The following CPE variants were observed in gnomAD, a reference collection of about 807,000 sequenced individuals.
The protein encoded by CPE is carboxypeptidase E.
In CPE, 17 loss-of-function variants were observed where a neutral mutation model predicts 53.5. The observed-to-expected ratio is 0.32, with a 90% CI of 0.22 to 0.48. The LOEUF (loss-of-function observed/expected upper bound fraction) is 0.48, where lower values mean the gene tolerates loss of function less well. CPE is among the 20% of genes least tolerant of loss of function. The pLI is 0.99. For missense variants in CPE, 524 were observed against 614.7 expected, an observed-to-expected ratio of 0.85 and a Z score of 1.56; for synonymous variants, 226 against 228.8, an observed-to-expected ratio of 0.99 and a Z score of 0.11.
chr4:165,431,909 G>GT (rs972743290), intron 1 of CPE, among the ~76,000 whole-genome samples: 1 of 152,050 alleles, frequency 6.6e-6, no homozygotes, highest in African/African-American at 2.4e-5. Context: ...GAGAACATAG[G>GT]TAACAAGACA....
rs557578784 is a variant in CPE, at chr4:165,382,384, G to C, written c.307+2856G>C. ...TGTCTTTACTATTTTCACCTTTTAAGTACCTTATTTTTTGGTTTGAAATAA... is the reference window on the plus strand; with the variant it reads ...TGTCTTTACTATTTTCACCTTTTAACTACCTTATTTTTTGGTTTGAAATAA... On this transcript the variant is annotated intron_variant, in intron 1 of 8. Transcript: ENST00000402744. Among the ~76,000 whole-genome samples the C allele has an allele frequency of 5.2e-4, 79 of 152,216 alleles. 1 individual carries two copies. The highest frequency in any genetic ancestry group is 1.9e-3 in the African/African-American group (77 of 41,548).
chr4:165,453,901 G>T (rs1442204996), intron 1 of CPE, among the ~76,000 whole-genome samples: 3 of 152,134 alleles, frequency 2.0e-5, no homozygotes, highest in Non-Finnish European at 2.9e-5. Flanking sequence ...AAAAAATAAT[G>T]TCAGAGTTTC....
At chr4:165,393,776 C>G (rs1312269635) in intron 1 of CPE, among the ~76,000 whole-genome samples, 1 of 152,202 alleles carries the variant, frequency 6.6e-6, no homozygotes, top group Non-Finnish European at 1.5e-5. Flanking sequence ...TAGAGCAGAA[C>G]TTCTTGACCT....
At chr4:165,423,064 GACAA>G (rs1355631072) in intron 1 of CPE, among the ~76,000 whole-genome samples, 5 of 151,226 alleles carry the variant, frequency 3.3e-5, no homozygotes, top group East Asian at 3.9e-4. Flanking sequence ...CCAGATAAGA[GACAA>G]ACAAACATTC....
At position 165,389,076 on chromosome 4, in the gene CPE, C is replaced by T. The variant is rs570016860; in HGVS notation, c.307+9548C>T. On this transcript the variant is annotated intron_variant, in intron 1 of 8. Coordinates refer to ENST00000402744, the MANE Select transcript of CPE (RefSeq NM_001873.4). ...CTGCTACATGTATTTTCTCAAGAGT[C>T]AAATTCAGTTTTGAGAAAATGCTAA... is the stretch of plus-strand genomic sequence containing the variant. Among the ~76,000 whole-genome samples, 5 of 152,140 alleles carry T rather than the reference C, an allele frequency of 3.3e-5. No homozygotes were observed. The East Asian group carries it at 9.7e-4, about 29-fold the overall frequency.
chr4:165,453,714 G>C (rs549927938), intron 1 of CPE, among the ~76,000 whole-genome samples: 12 of 152,178 alleles, frequency 7.9e-5, no homozygotes, highest in African/African-American at 2.9e-4. Context: ...TTGAACAAAA[G>C]GAGATACTTC....
intron 8 of CPE, among the ~76,000 whole-genome samples, chr4:165,496,224 T>A (rs1732703322): frequency 1.3e-5 from 2 of 152,220 alleles, no homozygotes; most frequent in African/African-American, 2.4e-5. Context: ...ATTATATGCC[T>A]GGGACCGTGG....
intron 1 of CPE, among the ~76,000 whole-genome samples, chr4:165,438,573 C>T (rs1481981551): frequency 1.3e-5 from 2 of 152,122 alleles, no homozygotes; most frequent in Non-Finnish European, 2.9e-5. Context: ...ATAACCCTTG[C>T]TCCTGGGTCC....
chr4:165,424,500 A>G (rs1037358397), intron 1 of CPE, among the ~76,000 whole-genome samples: 1 of 151,754 alleles, frequency 6.6e-6, no homozygotes, highest in Admixed American at 6.6e-5. Flanking sequence ...TTTGCAATAA[A>G]GTCCAGTTTT....
chr4:165,379,605 G>A lies in CPE; in HGVS notation c.307+77G>A. On this transcript the variant is annotated intron_variant, in intron 1 of 8. Coordinates refer to ENST00000402744, the MANE Select transcript of CPE (RefSeq NM_001873.4). This position sits in a 1 kb window ranked among gnomAD's most constrained non-coding sequence, Gnocchi z 6.0. Reference sequence around the variant, plus strand: ...AGAGGGTGGGACTGGTGGCGGTGGGGGAAGGAGGGAGGGATGGGCCCAGGG... The same window carrying A: ...AGAGGGTGGGACTGGTGGCGGTGGGAGAAGGAGGGAGGGATGGGCCCAGGG... 3.3e-6 allele frequency: 4 copies of A among 1,211,560 alleles called. No individual in the cohort carries two copies. Among genetic ancestry groups the A allele is most frequent in the Admixed American group, 3.0e-5 (1 of 32,994 alleles). 75.1% of individuals were successfully genotyped at this position (1,211,560 alleles called of 1,614,324 possible). A position where few individuals can be genotyped will look rare whatever the true frequency, so the allele number is the denominator to read the frequency against.
In CPE at chr4:165,482,317, G is replaced by A; in HGVS notation, c.748G>A (p.Gly250Arg). Residue 250 changes from glycine (G) to arginine (R), a missense_variant, in exon 4 of 9, where the codon GGA becomes AGA. Coordinates refer to ENST00000402744, the MANE Select transcript of CPE (RefSeq NM_001873.4). ...PFVLSANLHG[G>R]DLVANYPYDE... The stretch of plus-strand genomic sequence containing the variant: ...TGTGCTTTCTGCCAATCTCCATGGA[G>A]GAGACCTTGTGGCCAATTATCCATA... The A allele has an allele frequency of 6.2e-7, 1 of 1,613,974 alleles. No homozygotes were observed. The highest frequency in any genetic ancestry group is 2.2e-5 in the East Asian group (1 of 44,852).
intron 1 of CPE, among the ~76,000 whole-genome samples, chr4:165,402,718 A>G (rs913074926): frequency 1.1e-4 from 16 of 152,224 alleles, no homozygotes; most frequent in African/African-American, 3.6e-4. Flanking sequence ...AGCCAATTAA[A>G]CTTCTTTTCT....
intron 6 of CPE, among the ~76,000 whole-genome samples, chr4:165,491,087 A>C (rs531134198): frequency 6.6e-6 from 1 of 152,208 alleles, no homozygotes; most frequent in Admixed American, 6.5e-5. Context: ...TCAAACAGAA[A>C]AGTTGACATA....
intron 2 of CPE, among the ~76,000 whole-genome samples, chr4:165,466,624 T>TC (rs1732109068): frequency 6.6e-6 from 1 of 151,934 alleles, no homozygotes; most frequent in African/African-American, 2.4e-5. Flanking sequence ...TCAAGCTATT[T>TC]TCCTGCCTCA....
At chr4:165,425,743 A>C (rs556928286) in intron 1 of CPE, among the ~76,000 whole-genome samples, 2 of 152,132 alleles carry the variant, frequency 1.3e-5, no homozygotes, top group East Asian at 3.9e-4. Context: ...CTTGCTACCT[A>C]GGGGACATTT....
intron 1 of CPE, among the ~76,000 whole-genome samples, chr4:165,411,018 CAT>C (rs1244247620): frequency 6.6e-6 from 1 of 152,130 alleles, no homozygotes; most frequent in African/African-American, 2.4e-5. Context: ...AGGACATTTA[CAT>C]AGTCTTTCCA....
intron 1 of CPE, among the ~76,000 whole-genome samples, chr4:165,460,211 T>A (rs557428932): frequency 6.6e-6 from 1 of 151,424 alleles, no homozygotes; most frequent in African/African-American, 2.5e-5. Flanking sequence ...GATGAAAAAC[T>A]GTCACTGCTT....
chr4:165,476,277 G>A (rs1467130559), intron 3 of CPE, among the ~76,000 whole-genome samples: 2 of 152,128 alleles, frequency 1.3e-5, no homozygotes, highest in African/African-American at 4.8e-5. Flanking sequence ...GGCTTTATAG[G>A]TTGGTATGCT....
At position 165,441,252 on chromosome 4, in the gene CPE, CA is replaced by C. The variant is rs1731604678; in HGVS notation, c.308-23135del. On this transcript the variant is annotated intron_variant, in intron 1 of 8. Coordinates refer to ENST00000402744, the MANE Select transcript of CPE (RefSeq NM_001873.4). ...AACAGTGAAAGTGTTTTCAATGGCT[CA>C]AATAGCATAAAGAAACCCAGAGTAT... Among the ~76,000 whole-genome samples the C allele has an allele frequency of 3.3e-5, 5 of 152,210 alleles. No individual in the cohort carries two copies. The South Asian group carries it at 1.0e-3, about 32-fold the overall frequency.
Sources: gnomAD v4.1 joint callset for allele counts (sites outside exome capture counted in the v4.1 genomes callset) on GRCh38, gnomAD v4.1.1 for gene constraint, Gnocchi (gnomAD v3.1) non-coding constraint, MANE v1.5 for transcripts, NCBI Gene and HGNC (gene_info 2026-07-23, HGNC 2026-07-21) for gene names.